The following PSPH variants were observed in gnomAD, a reference collection of about 807,000 sequenced individuals.
PSPH encodes the protein phosphoserine phosphatase.
PSPH carries 16 observed loss-of-function variants against 23.4 expected under a neutral mutation model. That is an observed-to-expected ratio of 0.68 (90% CI 0.46 to 1.04). The LOEUF (loss-of-function observed/expected upper bound fraction) is 1.04. Ranked by LOEUF, PSPH falls within the 50% of genes least tolerant of loss-of-function variation. PSPH has a pLI of 0.00. For missense variants in PSPH, 223 were observed against 273.7 expected (o/e 0.81, Z 1.31); for synonymous variants, 68 against 99.7 (o/e 0.68, Z 1.89).
rs779259191 is a variant in PSPH at position 56,011,865 on chromosome 7, G to A, written c.575C>T (p.Ala192Val). The change falls in exon 8 of 8, where the codon GCT (alanine) becomes GTT (valine). Residue 192 changes from alanine to valine, a missense_variant. By Grantham distance (64) the Ala-to-Val change is moderately conservative. Transcript: ENST00000275605. ...TDMEACPPADAFIGFGGNVIR... is the reference protein window; with the variant it reads ...TDMEACPPADVFIGFGGNVIR... ...CACATTTCCTCCAAATCCAATGAAA[G>A]CATCCTAAGAAGGAAGAAAAGAGAG... is the stretch of plus-strand genomic sequence containing the variant. 4 of 1,603,052 alleles carry A rather than the reference G, an allele frequency of 2.5e-6. No individual in the cohort carries two copies. The Admixed American group carries it at 5.0e-5, about 20-fold the overall frequency.
intron 6 of PSPH, among the ~76,000 whole-genome samples, chr7:56,015,442 T>A (rs1584380884): frequency 6.6e-6 from 1 of 152,126 alleles, no homozygotes; most frequent in East Asian, 1.9e-4. Context: ...GCTCATGTGA[T>A]CCTCCTGCCT....
chr7:56,048,654 G>C (rs1336627044), intron 1 of PSPH, among the ~76,000 whole-genome samples: 1 of 152,064 alleles, frequency 6.6e-6, no homozygotes, highest in Non-Finnish European at 1.5e-5. Flanking sequence ...CCATTTTTGA[G>C]ACAAGGTCTC....
chr7:56,048,934 C>A (rs1313751456), intron 1 of PSPH, among the ~76,000 whole-genome samples: 1 of 149,650 alleles, frequency 6.7e-6, no homozygotes, highest in Non-Finnish European at 1.5e-5. Flanking sequence ...TTGTTTTTTT[C>A]TTTGAGACAG....
intron 1 of PSPH, among the ~76,000 whole-genome samples, chr7:56,040,388 C>T (rs13232781): frequency 5.3e-5 from 5 of 94,310 alleles, no homozygotes; most frequent in Admixed American, 1.1e-4. Flanking sequence ...CATTTATTTA[C>T]TTATTTATTT....
chr7:56,016,403 CAAAAAAA>C (rs1187610566), intron 6 of PSPH, among the ~76,000 whole-genome samples: 3 of 85,400 alleles, frequency 3.5e-5, no homozygotes, highest in Non-Finnish European at 6.4e-5. Context: ...GACCCTGTCT[CAAAAAAA>C]AAAAAAAAAA....
intron 3 of PSPH, among the ~76,000 whole-genome samples, chr7:56,030,063 C>T (rs1432907645): frequency 1.3e-5 from 2 of 151,808 alleles, no homozygotes; most frequent in African/African-American, 4.8e-5. Context: ...AAGAGGTTCC[C>T]TGTAACAAGG....
intron 3 of PSPH, among the ~76,000 whole-genome samples, chr7:56,027,988 G>A (rs541979960): frequency 6.7e-6 from 1 of 149,788 alleles, no homozygotes; most frequent in Non-Finnish European, 1.5e-5. Context: ...GAGTCCAGGA[G>A]TTCAAGGGTG....
At chr7:56,038,979 A>T (rs1301683822) in intron 1 of PSPH, among the ~76,000 whole-genome samples, 7 of 152,032 alleles carry the variant, frequency 4.6e-5, no homozygotes, top group Non-Finnish European at 1.0e-4. Context: ...CCCCGTCTCC[A>T]CTAAAAATAC....
intron 1 of PSPH, among the ~76,000 whole-genome samples, chr7:56,043,551 T>C (rs1048675302): frequency 2.0e-5 from 3 of 151,292 alleles, no homozygotes; most frequent in Non-Finnish European, 4.4e-5. Context: ...GCGTGGTGGC[T>C]CATGCCTGTA....
intron 3 of PSPH, among the ~76,000 whole-genome samples, chr7:56,029,900 C>T (rs1790717596): frequency 6.7e-6 from 1 of 149,760 alleles, no homozygotes; most frequent in Non-Finnish European, 1.5e-5. Context: ...TTGCTTGGAC[C>T]TGGGAGGCAG....
chr7:56,042,736 C>A (rs1466116180), intron 1 of PSPH, among the ~76,000 whole-genome samples: 6 of 151,470 alleles, frequency 4.0e-5, no homozygotes, highest in African/African-American at 1.2e-4. Context: ...ATAATGCCAA[C>A]TACTCAGGAG....
chr7:56,035,314 C>T (rs1791591491), intron 1 of PSPH, among the ~76,000 whole-genome samples: 1 of 152,064 alleles, frequency 6.6e-6, no homozygotes, highest in Non-Finnish European at 1.5e-5. Context: ...CACTGCACTA[C>T]AGCCTGAGCA....
chr7:56,027,196 ACT>A (rs1790316361), intron 3 of PSPH, among the ~76,000 whole-genome samples: 1 of 145,196 alleles, frequency 6.9e-6, no homozygotes, highest in African/African-American at 2.5e-5. Flanking sequence ...CAAGAGCAAA[ACT>A]CTGTCTCAAA....
chr7:56,020,127 G>A (rs1013190180), intron 4 of PSPH, among the ~76,000 whole-genome samples: 1 of 151,950 alleles, frequency 6.6e-6, no homozygotes, highest in Non-Finnish European at 1.5e-5. Flanking sequence ...GCTGAGGCAG[G>A]AGAATTGCTG....
At chr7:56,039,795 T>TAAAAAA (rs1266091253) in intron 1 of PSPH, among the ~76,000 whole-genome samples, 1 of 107,820 alleles carries the variant, frequency 9.3e-6, no homozygotes, top group Non-Finnish European at 2.0e-5. Context: ...AAAAAAAAAT[T>TAAAAAA]AAAAAAAAAA....
At chr7:56,024,043 C>T (rs1427174621) in intron 3 of PSPH, among the ~76,000 whole-genome samples, 2 of 151,950 alleles carry the variant, frequency 1.3e-5, no homozygotes, top group African/African-American at 4.8e-5. Flanking sequence ...TCTCCTGCCT[C>T]AGCCTCTCTA....
intron 1 of PSPH, among the ~76,000 whole-genome samples, chr7:56,037,443 C>A (rs895388428): frequency 6.7e-6 from 1 of 149,534 alleles, no homozygotes; most frequent in African/African-American, 2.5e-5. Context: ...TCTTTTGAGG[C>A]AGGGTCTCAC....
chr7:56,017,009 G>A (rs1392832887), intron 6 of PSPH, among the ~76,000 whole-genome samples: 1 of 152,160 alleles, frequency 6.6e-6, no homozygotes, highest in African/African-American at 2.4e-5. Context: ...AGACATTTAT[G>A]TACAGACAGG....
chr7:56,011,767 C>T lies in PSPH; in HGVS notation c.673G>A (p.Glu225Lys), dbSNP rs536712417. Residue 225 changes from glutamate (E) to lysine (K), a missense_variant, in exon 8 of 8, where the codon GAA becomes AAA. By Grantham distance (56) the Glu-to-Lys change is moderately conservative (BLOSUM62 1). Transcript: ENST00000275605. Reference protein sequence around the residue: ...DFVELLGELEE With the variant: ...DFVELLGELEK The stretch of plus-strand genomic sequence containing the variant: ...GAGCTGTACGACAATGGATGTTATT[C>T]TTCCAGTTCTCCCAGCAGCTCTACA... The T allele has an allele frequency of 1.1e-4, 185 of 1,609,488 alleles. No homozygotes were observed. The highest frequency in any genetic ancestry group is 1.4e-4 in the Non-Finnish European group (161 of 1,175,916).
Sources: allele counts gnomAD v4.1 joint callset (sites outside exome capture counted in the v4.1 genomes callset), GRCh38; gene constraint gnomAD v4.1.1; transcripts MANE v1.5; gene names NCBI Gene and HGNC (gene_info 2026-07-23, HGNC 2026-07-21).